Variants in ATG5 observed in about 807,000 individuals in gnomAD.
The protein encoded by ATG5 is autophagy related 5, also known as autophagy protein 5.
In ATG5, 14 loss-of-function variants were observed where a neutral mutation model predicts 36.5. That is an observed-to-expected ratio of 0.38 (90% CI 0.25 to 0.60). The LOEUF is 0.60. Ranked by LOEUF, ATG5 falls within the 20% of genes least tolerant of loss-of-function variation. The probability of loss-of-function intolerance (pLI) is 0.60; values close to 1 mark genes in which losing one functional copy is unlikely to be tolerated. For missense variants in ATG5, 195 were observed against 326.7 expected (o/e 0.60, Z 3.11); for synonymous variants, 95 against 101.5 (o/e 0.94, Z 0.38).
intron 5 of ATG5, among the ~76,000 whole-genome samples, chr6:106,253,896 C>T (rs1778696465): frequency 6.6e-6 from 1 of 152,190 alleles, no homozygotes; most frequent in South Asian, 2.1e-4. Context: ...CCAAACTCTA[C>T]ATGCAGGCAA....
chr6:106,289,926 C>T (rs1367610036), intron 4 of ATG5, among the ~76,000 whole-genome samples: 1 of 152,110 alleles, frequency 6.6e-6, no homozygotes, highest in Non-Finnish European at 1.5e-5. Context: ...AAAATTCAGG[C>T]TCACAAAGAT....
chr6:106,324,309 T>C (rs762615207), intron 1 of ATG5, among the ~76,000 whole-genome samples: 14 of 152,232 alleles, frequency 9.2e-5, no homozygotes, highest in African/African-American at 1.4e-4. Flanking sequence ...TTATAAATAA[T>C]GCAGAGTTGA....
chr6:106,201,245 C>T (rs1398598627), intron 7 of ATG5, among the ~76,000 whole-genome samples: 1 of 150,638 alleles, frequency 6.6e-6, no homozygotes, highest in African/African-American at 2.5e-5. Flanking sequence ...GTATTATACA[C>T]ATATGTATAT....
chr6:106,265,193 G>T (rs1301520864), intron 5 of ATG5, among the ~76,000 whole-genome samples: 1 of 150,366 alleles, frequency 6.7e-6, no homozygotes, highest in Admixed American at 6.6e-5. Flanking sequence ...AAAAAGCAGG[G>T]GTTGCAATCC....
chr6:106,252,399 T>C (rs1778628468), intron 5 of ATG5, among the ~76,000 whole-genome samples: 1 of 152,018 alleles, frequency 6.6e-6, no homozygotes, highest in South Asian at 2.1e-4. Flanking sequence ...CTGATGGTCA[T>C]CCATTTTTCC....
intron 5 of ATG5, among the ~76,000 whole-genome samples, chr6:106,270,647 C>T (rs3851210): frequency 0.056 from 8,575 of 152,272 alleles, 336 homozygotes; most frequent in South Asian, 0.13. Flanking sequence ...TCTCCATCTG[C>T]TGTCCCACAC....
intron 5 of ATG5, among the ~76,000 whole-genome samples, chr6:106,273,409 A>G (rs1177706275): frequency 6.6e-6 from 1 of 152,200 alleles, no homozygotes. Flanking sequence ...TGGGAGAACA[A>G]TAAATATTAT....
intron 5 of ATG5, among the ~76,000 whole-genome samples, chr6:106,277,613 G>A (rs1459770488): frequency 6.6e-6 from 1 of 152,230 alleles, no homozygotes; most frequent in Admixed American, 6.5e-5. Context: ...CCAGGAATTC[G>A]AGACCAGCCT....
chr6:106,316,665 C>T (rs755559193), intron 1 of ATG5, among the ~76,000 whole-genome samples: 5 of 152,162 alleles, frequency 3.3e-5, no homozygotes, highest in Non-Finnish European at 7.4e-5. Flanking sequence ...ACCCCTGCCC[C>T]GTCCAATATA....
chr6:106,222,035 G>T (rs548844272), intron 6 of ATG5, among the ~76,000 whole-genome samples: 16 of 152,186 alleles, frequency 1.1e-4, no homozygotes, highest in Admixed American at 5.2e-4. Flanking sequence ...GGGATTACAG[G>T]TGTGCGTCAC....
In ATG5 at chr6:106,235,980, G is replaced by C. The variant is rs186362092; in HGVS notation, c.573+12170C>G. Among the ~76,000 whole-genome samples, 53 of 152,276 alleles carry C rather than the reference G, an allele frequency of 3.5e-4. 1 individual carries two copies. The East Asian group carries it at 9.3e-3, about 27-fold the overall frequency. On this transcript the variant is annotated intron_variant, in intron 6 of 7. Transcript: ENST00000369076. ...AGTTCCTTCTTGTCCCTTACTGGTT[G>C]GGTCCATCTCTACTACACCCTCCTG...
At chr6:106,225,218 C>T (rs1777409050) in intron 6 of ATG5, among the ~76,000 whole-genome samples, 1 of 152,160 alleles carries the variant, frequency 6.6e-6, no homozygotes, top group African/African-American at 2.4e-5. Context: ...CACCTAGTTA[C>T]CTGGAATATA....
intron 6 of ATG5, among the ~76,000 whole-genome samples, chr6:106,235,049 T>C (rs1412490749): frequency 6.6e-6 from 1 of 152,156 alleles, no homozygotes; most frequent in African/African-American, 2.4e-5. Context: ...ACAGAGAAAG[T>C]TGAAGAAATT....
chr6:106,264,777 A>C (rs1779164210), intron 5 of ATG5, among the ~76,000 whole-genome samples: 1 of 152,196 alleles, frequency 6.6e-6, no homozygotes, highest in Admixed American at 6.5e-5. Flanking sequence ...AGAATCCTTT[A>C]GAGACAAGCA....
chr6:106,206,990 G>C (rs1776658654), intron 6 of ATG5, among the ~76,000 whole-genome samples: 1 of 152,150 alleles, frequency 6.6e-6, no homozygotes, highest in Non-Finnish European at 1.5e-5. Flanking sequence ...TGACAGACAA[G>C]AAAGCCACTG....
intron 6 of ATG5, among the ~76,000 whole-genome samples, chr6:106,216,198 A>G (rs1159690349): frequency 6.6e-6 from 1 of 152,212 alleles, no homozygotes; most frequent in Non-Finnish European, 1.5e-5. Context: ...ACAATACCCC[A>G]AAGGTTTAAA....
chr6:106,209,284 T>C (rs754022395), intron 6 of ATG5, among the ~76,000 whole-genome samples: 8 of 152,140 alleles, frequency 5.3e-5, no homozygotes, highest in Non-Finnish European at 1.0e-4. Context: ...GGCTACCCAT[T>C]AAAACAGGTG....
intron 3 of ATG5, among the ~76,000 whole-genome samples, chr6:106,295,054 A>C (rs537034050): frequency 8.3e-5 from 12 of 145,436 alleles, no homozygotes; most frequent in Non-Finnish European, 1.7e-4. Flanking sequence ...AATTAAAAAA[A>C]AATATACATA....
chr6:106,318,452 T>C (rs1193210495), intron 1 of ATG5, among the ~76,000 whole-genome samples: 1 of 152,160 alleles, frequency 6.6e-6, no homozygotes, highest in African/African-American at 2.4e-5. Flanking sequence ...AAATATAGAC[T>C]TAGAAGGCAG....
Sources: allele counts gnomAD v4.1 joint callset (sites outside exome capture counted in the v4.1 genomes callset), GRCh38; gene constraint gnomAD v4.1.1; transcripts MANE v1.5; gene names NCBI Gene and HGNC (gene_info 2026-07-23, HGNC 2026-07-21).